ETNPPL: variants seen among roughly 807,000 people sequenced by gnomAD.
ETNPPL encodes the protein ethanolamine-phosphate phospho-lyase, also known as alanine--glyoxylate aminotransferase 2-like 1.
A neutral mutation model predicts 55.5 loss-of-function variants in ETNPPL; 30 were observed. The observed-to-expected ratio is 0.54, with a 90% CI of 0.40 to 0.73. The LOEUF is 0.73. Ranked by LOEUF, ETNPPL falls within the 30% of genes least tolerant of loss-of-function variation. ETNPPL has a pLI of 0.00. For missense variants in ETNPPL, 528 were observed against 607.9 expected, an observed-to-expected ratio of 0.87 and a Z score of 1.38; for synonymous variants, 202 against 207.2, an observed-to-expected ratio of 0.98 and a Z score of 0.21.
chr4:108,751,077 G>T (rs1728891417), intron 6 of ETNPPL, 59 bp from the exon 7 acceptor site: 12 of 1,182,118 alleles, frequency 1.0e-5, no homozygotes, highest in Non-Finnish European at 1.3e-5. Context: ...CCCCTAAAAA[G>T]AGTATATCTT....
intron 9 of ETNPPL, chr4:108,747,677 T>C (rs1487948538): frequency 5.9e-6 from 1 of 168,456 alleles, no homozygotes; most frequent in Non-Finnish European, 1.3e-5. Context: ...TTTGGTGTTT[T>C]CCAGATTTAG....
rs1728500452 is a variant in ETNPPL at position 108,746,417 on chromosome 4, G to A, written c.1285C>T (p.Leu429Phe). ...GACCCACCTGTTAGAATCCTATCAA[G>A]TTGGTCCACCATGAACTTTGCATCT... Reference protein sequence around the residue: ...EEDAKFMVDQLDRILTVLEEA... With the variant: ...EEDAKFMVDQFDRILTVLEEA... The change falls in exon 11 of 13, where the codon CTT becomes TTT. Residue 429 changes from leucine (L) to phenylalanine (F), a missense_variant. Transcript: ENST00000296486. The A allele has an allele frequency of 1.2e-6, 2 of 1,613,466 alleles. No individual in the cohort carries two copies. The highest frequency in any genetic ancestry group is 1.7e-5 in the Admixed American group (1 of 59,884).
At chr4:108,753,105 G>T in intron 5 of ETNPPL, 94 bp from the exon 6 acceptor site, 1 of 701,462 alleles carries the variant, frequency 1.4e-6, no homozygotes, top group South Asian at 1.8e-5. Flanking sequence ...TTAGAATGGT[G>T]ATCATGTGAA....
rs751232098 is a variant in ETNPPL at position 108,754,698 on chromosome 4, AC to A, written c.422del (p.Gly141ValfsTer6). 1.9e-6 allele frequency: 3 copies of A among 1,585,966 alleles called. No homozygotes were observed. The highest frequency in any genetic ancestry group is 2.6e-6 in the Non-Finnish European group (3 of 1,157,360). ...TAATCTCAATTAAGGATGATAGGTG[AC>A]CATGGTAAGCACTGAAGAGACAAAG... ...DVITLDHAYHGHLSSLIEISP... is the reference protein window; with the variant it reads ...DVITLDHAYHXHLSSLIEISP... On this transcript the variant is annotated frameshift_variant, in exon 5 of 13. Transcript: ENST00000296486. LOFTEE classifies it high-confidence loss of function.
rs1194466552 is a variant in ETNPPL, at chr4:108,743,784, C to T, written c.1371+5G>A. ...CCCCCTAAAAATAAAGTAGCCAACC[C>T]TTACCTTTGTTTTGCATGGAGTATT... On this transcript the variant is annotated splice_donor_5th_base_variant and intron_variant, in intron 12 of 12. Transcript: ENST00000296486. 6.2e-7 allele frequency: 1 copy of T among 1,600,654 alleles called. No individual in the cohort carries two copies. The highest frequency in any genetic ancestry group is 8.6e-7 in the Non-Finnish European group (1 of 1,168,388).
intron 5 of ETNPPL, among the ~76,000 whole-genome samples, chr4:108,753,966 T>A (rs1729073395): frequency 6.8e-6 from 1 of 147,026 alleles, no homozygotes. Context: ...AATTTACTTT[T>A]TCTTTTCTTT....
intron 4 of ETNPPL, among the ~76,000 whole-genome samples, chr4:108,755,821 A>AAAACAAAC (rs113876945): frequency 0.021 from 3,267 of 152,118 alleles, 131 homozygotes; most frequent in African/African-American, 0.074. Flanking sequence ...ACTCCGTCTC[A>AAAACAAAC]AAACAAACAA....
chr4:108,752,791 AG>A (rs1214331238), intron 6 of ETNPPL, 103 bp downstream of exon 6: 1 of 700,712 alleles, frequency 1.4e-6, no homozygotes, highest in Non-Finnish European at 2.4e-6. Context: ...AAGAACAGAA[AG>A]GGACATTAGA....
Position 108,749,383 on chromosome 4 carries a change from C to T in ETNPPL, c.782G>A (p.Ser261Asn). ...AAAGTCTTCACCATACATCTGGAAGCTCCAGAAATGTTTCCCAACTCTGCC... is the reference window on the plus strand; with the variant it reads ...AAAGTCTTCACCATACATCTGGAAGTTCCAGAAATGTTTCCCAACTCTGCC... Reference protein sequence around the residue: ...GFGRVGKHFWSFQMYGEDFVP... With the variant: ...GFGRVGKHFWNFQMYGEDFVP... Residue 261 changes from serine (S) to asparagine (N), a missense_variant, in exon 8 of 13, where the codon AGC becomes AAC. Transcript: ENST00000296486. 1.2e-6 allele frequency: 2 copies of T among 1,614,032 alleles called. No homozygotes were observed. The highest frequency in any genetic ancestry group is 1.7e-6 in the Non-Finnish European group (2 of 1,179,938).
intron 1 of ETNPPL, chr4:108,762,307 A>G: frequency 2.2e-6 from 1 of 455,178 alleles, no homozygotes; most frequent in Admixed American, 2.4e-5. Context: ...CTTTTCTAAC[A>G]GAAGGTGGTT....
intron 12 of ETNPPL, 145 bp downstream of exon 12, chr4:108,743,644 T>C: frequency 1.5e-6 from 1 of 670,824 alleles, no homozygotes; most frequent in Non-Finnish European, 2.7e-6. Flanking sequence ...AATTGTGCAC[T>C]CAAAATTGCA....
rs542462100 is a variant in ETNPPL, at chr4:108,743,640, G to A, written c.1371+149C>T. 2.7e-5 allele frequency: 18 copies of A among 662,624 alleles called. No homozygotes were observed. The East Asian group carries it at 4.9e-4, about 18-fold the overall frequency. The allele number at this position is 662,624 out of a possible 1,614,324, so 41.0% of individuals were successfully genotyped here. On this transcript the variant is annotated intron_variant, in intron 12 of 12. Transcript: ENST00000296486. ...ACACTTGCTGTGGAAATTTAATTGT[G>A]CACTCAAAATTGCAACAATAAGTGA...
chr4:108,749,417 C>G lies in ETNPPL; in HGVS notation c.748G>C (p.Val250Leu). 1 of 1,614,122 alleles carries G rather than the reference C, an allele frequency of 6.2e-7. No individual in the cohort carries two copies. The highest frequency in any genetic ancestry group is 8.5e-7 in the Non-Finnish European group (1 of 1,180,024). Residue 250 changes from valine to leucine, a missense_variant, in exon 8 of 13, where the codon GTG becomes CTG. By Grantham distance (32) the Val-to-Leu change is conservative. Transcript: ENST00000296486. ...GGVFIADEVQ[V>L]GFGRVGKHFW... is the part of the protein sequence containing the mutation. ...TGTTTCCCAACTCTGCCAAAGCCCA[C>G]TTGAACTTCATCAGCTATAAACACA... is the stretch of plus-strand genomic sequence containing the variant.
At position 108,749,543 on chromosome 4, in the gene ETNPPL, G is replaced by GA. The variant is rs1332456311; in HGVS notation, c.702-81dup. The GA allele has an allele frequency of 1.4e-5, 14 of 1,035,358 alleles. No homozygotes were observed. In the East Asian group the frequency reaches 1.9e-4, roughly 14 times the overall value. 64.1% of individuals were successfully genotyped at this position (1,035,358 alleles called of 1,614,324 possible). On this transcript the variant is annotated intron_variant, in intron 7 of 12. Transcript: ENST00000296486. ...ACCCACAAAGATGCAAATTATTGAA[G>GA]ACAAAAAAAAAAAGTTGTTAACCTG...
chr4:108,758,283 C>A (rs1395846864), intron 3 of ETNPPL, among the ~76,000 whole-genome samples: 2 of 152,042 alleles, frequency 1.3e-5, no homozygotes, highest in African/African-American at 4.8e-5. Flanking sequence ...AGCCACCACG[C>A]CGAACCATAT....
rs755633183 is a variant in ETNPPL at position 108,749,478 on chromosome 4, G to A, written c.702-15C>T. 2.1e-5 allele frequency: 34 copies of A among 1,602,284 alleles called. No individual in the cohort carries two copies. The highest frequency in any genetic ancestry group is 8.8e-5 in the South Asian group (8 of 90,772). On this transcript the variant is annotated splice_polypyrimidine_tract_variant and intron_variant, in intron 7 of 12. Transcript: ENST00000296486. ...CGTGTACATATCTGAAAAGCAAAGC[G>A]GCAGTCTAATGCCTTCAGGTCACTG...
intron 5 of ETNPPL, among the ~76,000 whole-genome samples, chr4:108,753,760 GA>G (rs1219667163): frequency 2.3e-5 from 3 of 127,754 alleles, no homozygotes; most frequent in Non-Finnish European, 3.3e-5. Flanking sequence ...AAGAAAGAAA[GA>G]AAGAAAGAAA....
chr4:108,758,750 G>T (rs866476096), intron 3 of ETNPPL, among the ~76,000 whole-genome samples: 1 of 152,174 alleles, frequency 6.6e-6, no homozygotes. Flanking sequence ...AGACCAGCCC[G>T]CATCTCTTGG....
intron 1 of ETNPPL, among the ~76,000 whole-genome samples, chr4:108,761,045 A>G (rs958048923): frequency 1.7e-4 from 26 of 152,224 alleles, no homozygotes; most frequent in Non-Finnish European, 2.9e-4. Flanking sequence ...ATTATTAAAT[A>G]GTGAAATTCA....
Sources: allele counts gnomAD v4.1 joint callset (sites outside exome capture counted in the v4.1 genomes callset), GRCh38; gene constraint gnomAD v4.1.1; transcripts MANE v1.5; gene names NCBI Gene and HGNC (gene_info 2026-07-23, HGNC 2026-07-21).